Variants in PLCB3 observed in about 807,000 individuals in gnomAD.
PLCB3 encodes the protein phospholipase C beta 3.
PLCB3 carries 54 observed loss-of-function variants against 152.1 expected under a neutral mutation model. The observed-to-expected ratio is 0.36, with a 90% CI of 0.29 to 0.45. The LOEUF (loss-of-function observed/expected upper bound fraction) is 0.45. Ranked by LOEUF, PLCB3 falls within the 20% of genes least tolerant of loss-of-function variation. PLCB3 has a pLI of 1.00. For synonymous variants in PLCB3, 717 were observed against 698.7 expected (o/e 1.03, Z -0.41); for missense variants, 1,248 against 1,687.5 (o/e 0.74, Z 4.56).
chr11:64,266,551 G>T lies in PLCB3; in HGVS notation c.3413G>T (p.Arg1138Leu), dbSNP rs138542727. 2.5e-6 allele frequency: 4 copies of T among 1,613,732 alleles called. No homozygotes were observed. Residue 1138 changes from arginine (R) to leucine (L), a missense_variant and splice_region_variant, in exon 29 of 31, where the codon CGG (arginine) becomes CTG (leucine). Coordinates refer to ENST00000279230, the MANE Select transcript of PLCB3 (RefSeq NM_000932.5). The surrounding 1 kb of genome is among the most constrained non-coding windows in gnomAD (Gnocchi z 4.9). The stretch of plus-strand genomic sequence containing the variant: ...ACTGAGTCAGTCAACTCCATCCGTC[G>T]GGTGAGTCAGGCTCCCGGGCCACCC... Reference protein sequence around the residue: ...HITESVNSIRRLEEAQKQRHD... With the variant: ...HITESVNSIRLLEEAQKQRHD...
chr11:64,258,974 G>A lies in PLCB3; in HGVS notation c.1338+5G>A, dbSNP rs1367977145. 8.1e-6 allele frequency: 13 copies of A among 1,613,870 alleles called. No homozygotes were observed. Among genetic ancestry groups the A allele is most frequent in the South Asian group, 1.1e-5 (1 of 91,080 alleles). ...GAGCCTCTGGACAAGTACCCGGTAC[G>A]GGAGCTCGGAGCGAGGGGGGTGGCA... On this transcript the variant is annotated splice_donor_5th_base_variant and intron_variant, in intron 12 of 30. Coordinates refer to ENST00000279230, the MANE Select transcript of PLCB3 (RefSeq NM_000932.5). This position sits in a 1 kb window ranked among gnomAD's most constrained non-coding sequence, Gnocchi z 7.2.
Position 64,256,271 on chromosome 11 carries a change from G to C in PLCB3, c.699-105G>C, listed in dbSNP as rs1024109906. ...CCAGAGTCCCACTCACTGGGTGCCA[G>C]ATCCAGGGGCAGGCCTTCTGACTCC... On this transcript the variant is annotated intron_variant, in intron 8 of 30. Coordinates refer to ENST00000279230, the MANE Select transcript of PLCB3 (RefSeq NM_000932.5). 4.9e-6 allele frequency: 5 copies of C among 1,024,978 alleles called. No individual in the cohort carries two copies. In the East Asian group the frequency reaches 1.2e-4, roughly 25 times the overall value. The allele number at this position is 1,024,978 out of a possible 1,614,324, so 63.5% of individuals were successfully genotyped here.
chr11:64,251,890 T>G, intron 1 of PLCB3, 142 bp downstream of exon 1: 1 of 441,850 alleles, frequency 2.3e-6, no homozygotes. Flanking sequence ...GAAACTTAAG[T>G]CCCCGATCGT....
At chr11:64,263,086 G>A (rs1013933536) in intron 19 of PLCB3, among the ~76,000 whole-genome samples, 3 of 152,188 alleles carry the variant, frequency 2.0e-5, no homozygotes, top group African/African-American at 7.2e-5. Flanking sequence ...CCCTGTCTCC[G>A]AGGCAGGAGC....
chr11:64,257,901 C>A (rs1332527823), intron 10 of PLCB3, among the ~76,000 whole-genome samples: 1 of 152,096 alleles, frequency 6.6e-6, no homozygotes, highest in Non-Finnish European at 1.5e-5. Context: ...CACCTGTAAT[C>A]CCAGAACTTT....
At position 64,267,378 on chromosome 11, in the gene PLCB3, G is replaced by A. The variant is rs562555278; in HGVS notation, c.3527G>A (p.Cys1176Tyr). Residue 1176 changes from cysteine to tyrosine, a missense_variant, in exon 31 of 31, where the codon TGT becomes TAT. Transcript: ENST00000279230. This position sits in a 1 kb window ranked among gnomAD's most constrained non-coding sequence, Gnocchi z 5.2. ...PKLLAQLAQE[C>Y]QEQRARLPQE... is the part of the protein sequence containing the mutation. The stretch of plus-strand genomic sequence containing the variant: ...CTGCTGGCCCAGCTGGCCCAGGAGT[G>A]TCAGGAGCAGCGGGCGAGGCTCCCC... 107 of 1,545,224 alleles carry A rather than the reference G, an allele frequency of 6.9e-5. 1 individual carries two copies. The highest frequency in any genetic ancestry group is 8.7e-5 in the Non-Finnish European group (99 of 1,143,344).
Position 64,265,987 on chromosome 11 carries a change from G to C in PLCB3, c.3137G>C (p.Arg1046Pro). ...CAGGTGCAGAGCCTGCTGGAGCTGC[G>C]GGAGGCCCAGGTGGACGCAGAGGCC... ...NRQVQSLLEL[R>P]EAQVDAEAQR... Residue 1046 changes from arginine (R) to proline (P), a missense_variant, in exon 26 of 31, where the codon CGG (arginine) becomes CCG (proline). Coordinates refer to ENST00000279230, the MANE Select transcript of PLCB3 (RefSeq NM_000932.5). The C allele has an allele frequency of 6.2e-7, 1 of 1,614,066 alleles. No individual in the cohort carries two copies. The highest frequency in any genetic ancestry group is 8.5e-7 in the Non-Finnish European group (1 of 1,180,002).
intron 8 of PLCB3, among the ~76,000 whole-genome samples, chr11:64,256,081 C>G (rs1375412768): frequency 6.6e-6 from 1 of 152,192 alleles, no homozygotes; most frequent in African/African-American, 2.4e-5. Context: ...GGGTCCAAGC[C>G]TCAGGTGTGT....
Position 64,256,997 on chromosome 11 carries a change from C to CTTTTTTTT in PLCB3, c.1012+250_1012+257dup, listed in dbSNP as rs5792316. On this transcript the variant is annotated intron_variant, in intron 10 of 30. Transcript: ENST00000279230. ...CTGCAGCAGGAGAGACTTCAGGGTC[C>CTTTTTTTT]TTTTTTTTTTTTTTTTTTTTTTTTG... Among the ~76,000 whole-genome samples the CTTTTTTTT allele has an allele frequency of 8.0e-3, 493 of 61,550 alleles. 15 individuals are homozygous for CTTTTTTTT. Among genetic ancestry groups the CTTTTTTTT allele is most frequent in the Non-Finnish European group, 0.01 (355 of 34,906 alleles). 40.4% of individuals were successfully genotyped at this position (61,550 alleles called of 152,430 possible).
chr11:64,267,118 G>A lies in PLCB3; in HGVS notation c.3415-67G>A. On this transcript the variant is annotated intron_variant, in intron 29 of 30. Transcript: ENST00000279230. The surrounding 1 kb of genome is among the most constrained non-coding windows in gnomAD (Gnocchi z 5.2). ...CTCGCCCACCTGACTTCTATACCCA[G>A]CCAGAGCCTCGAGGCTCTAGCCCCT... 1 of 1,437,370 alleles carries A rather than the reference G, an allele frequency of 7.0e-7. No homozygotes were observed. The highest frequency in any genetic ancestry group is 9.6e-7 in the Non-Finnish European group (1 of 1,045,994). The allele number at this position is 1,437,370 out of a possible 1,614,324, so 89.0% of individuals were successfully genotyped here.
chr11:64,261,332 G>T (rs1175387635), intron 14 of PLCB3, 68 bp from the exon 15 acceptor site: 1 of 1,117,694 alleles, frequency 8.9e-7, no homozygotes, highest in African/African-American at 1.5e-5. Context: ...CTCCTTCATG[G>T]GGGGCAGGTG....
rs1383780341 is a variant in PLCB3 at position 64,258,270 on chromosome 11, G to A, written c.1013-203G>A. Among the ~76,000 whole-genome samples, 2 of 152,110 alleles carry A rather than the reference G, an allele frequency of 1.3e-5. No homozygotes were observed. Among genetic ancestry groups the A allele is most frequent in the Admixed American group, 1.3e-4 (2 of 15,264 alleles). On this transcript the variant is annotated intron_variant, in intron 10 of 30. Transcript: ENST00000279230. The surrounding 1 kb of genome is among the most constrained non-coding windows in gnomAD (Gnocchi z 7.2). ...GGTGGAGGGAGTGAGGAGAGGGAGG[G>A]ATTGTTGAGGCAGTGGGGAGCTATA...
Position 64,263,255 on chromosome 11 carries a change from G to T in PLCB3, c.2356-243G>T, listed in dbSNP as rs2031945621. ...GCAATGACCAGAACTGTCTGTGGGGGCCCTGGAGGGGCCTGGCTGCCTGTC... is the reference window on the plus strand; with the variant it reads ...GCAATGACCAGAACTGTCTGTGGGGTCCCTGGAGGGGCCTGGCTGCCTGTC... On this transcript the variant is annotated intron_variant, in intron 19 of 30. Coordinates refer to ENST00000279230, the MANE Select transcript of PLCB3 (RefSeq NM_000932.5). The T allele has an allele frequency of 5.3e-6, 3 of 563,020 alleles. No homozygotes were observed. The South Asian group carries it at 6.8e-5, about 13-fold the overall frequency. 34.9% of individuals were successfully genotyped at this position (563,020 alleles called of 1,614,324 possible). A position where few individuals can be genotyped will look rare whatever the true frequency, so the allele number is the denominator to read the frequency against.
rs2032211154 is a variant in PLCB3, at chr11:64,267,874, C to A, written c.*318C>A. 1 of 352,806 alleles carries A rather than the reference C, an allele frequency of 2.8e-6. No homozygotes were observed. The highest frequency in any genetic ancestry group is 5.8e-5 in the South Asian group (1 of 17,144). The allele number at this position is 352,806 out of a possible 1,614,324, so 21.9% of individuals were successfully genotyped here. ...CGGGAAGTAGGAGTCACATTTTTTT[C>A]TCTATTCTTTGGGGATTTTTTTTAC... On this transcript the variant is annotated 3_prime_UTR_variant, in exon 31 of 31. Coordinates refer to ENST00000279230, the MANE Select transcript of PLCB3 (RefSeq NM_000932.5). The surrounding 1 kb of genome is among the most constrained non-coding windows in gnomAD (Gnocchi z 5.2).
chr11:64,267,514 G>A lies in PLCB3; in HGVS notation c.3663G>A (p.Ser1221=), dbSNP rs759156326. The A allele has an allele frequency of 1.5e-4, 234 of 1,569,316 alleles. No individual in the cohort carries two copies. Among genetic ancestry groups the A allele is most frequent in the Non-Finnish European group, 1.7e-4 (202 of 1,161,774 alleles). The change falls in exon 31 of 31, where the codon TCG becomes TCA. Residue 1221 remains serine, a synonymous_variant. Transcript: ENST00000279230. The surrounding 1 kb of genome is among the most constrained non-coding windows in gnomAD (Gnocchi z 5.2). ...CACCCGGGAGCAGCGGGCACCTGTC[G>A]GGCGCTGACTCGGAGAGCCAGGAGG... ...GHAPGSSGHL[S]GADSESQEEN...
chr11:64,259,352 C>T, intron 13 of PLCB3, 108 bp downstream of exon 13: 4 of 943,836 alleles, frequency 4.2e-6, no homozygotes, highest in Non-Finnish European at 6.1e-6. Flanking sequence ...TCCTGCCTCG[C>T]TGTGCGCCTG....
Position 64,265,311 on chromosome 11 carries a change from G to C in PLCB3, c.2844G>C (p.Glu948Asp). The change falls in exon 25 of 31, where the codon GAG becomes GAC. Residue 948 changes from glutamate (E) to aspartate (D), a missense_variant and splice_region_variant. Glu to Asp is a conservative substitution (Grantham distance 45). This residue lies in a region of PLCB3 where 477 missense variants were observed against 489.6 expected (regional missense o/e 0.97). Transcript: ENST00000279230. ...CCACCTTTGCTCTGCCGCTCCCAGA[G>C]GTGGCCCCCACCCCGCTGGATGAGC... ...RDDLIASILS[E>D]VAPTPLDELR... The C allele has an allele frequency of 6.3e-7, 1 of 1,587,966 alleles. No individual in the cohort carries two copies. The highest frequency in any genetic ancestry group is 8.6e-7 in the Non-Finnish European group (1 of 1,165,472).
chr11:64,260,153 T>C lies in PLCB3; in HGVS notation c.1650T>C (p.Leu550=), dbSNP rs748454955. 2 of 1,610,302 alleles carry C rather than the reference T, an allele frequency of 1.2e-6. No homozygotes were observed. Among genetic ancestry groups the C allele is most frequent in the Non-Finnish European group, 1.7e-6 (2 of 1,178,550 alleles). The stretch of plus-strand genomic sequence containing the variant: ...GCCTGAACCGAGGCCCCTATGTTCT[T>C]GGACCTGCTGACCGTGAGGATGAGG... ...DEGLNRGPYV[L]GPADREDEEE... is the part of the protein sequence containing the mutation. The change falls in exon 14 of 31, where the codon CTT becomes CTC. Residue 550 remains leucine (L), a synonymous_variant. Transcript: ENST00000279230.
chr11:64,254,579 C>G, intron 2 of PLCB3, 87 bp downstream of exon 2: 1 of 1,411,028 alleles, frequency 7.1e-7, no homozygotes, highest in Non-Finnish European at 1.0e-6. Context: ...GGCCCGGCTG[C>G]AGGCTGACCT....
Sources: allele counts gnomAD v4.1 joint callset (sites outside exome capture counted in the v4.1 genomes callset), GRCh38; gene constraint gnomAD v4.1.1; regional missense constraint gnomAD v4.1.1; non-coding constraint Gnocchi (gnomAD v3.1); transcripts MANE v1.5; gene names NCBI Gene and HGNC (gene_info 2026-07-23, HGNC 2026-07-21).